Variants in CCNQ observed in about 807,000 individuals in gnomAD.
The protein encoded by CCNQ is cyclin Q.
In CCNQ, 3 loss-of-function variants were observed where a neutral mutation model predicts 17.7. That is an observed-to-expected ratio of 0.17 (90% CI 0.08 to 0.44). The LOEUF is 0.44. Ranked by LOEUF, CCNQ falls within the 20% of genes least tolerant of loss-of-function variation. CCNQ has a pLI of 0.99. For synonymous variants in CCNQ, 73 were observed against 96.0 expected (o/e 0.76, Z 1.40); for missense variants, 146 against 222.6 (o/e 0.66, Z 2.19).
At chrX:153,596,242 C>CCCCT in intron 1 of CCNQ, 55 bp from the exon 2 acceptor site, 1 of 1,142,954 alleles carries the variant, frequency 8.7e-7, no homozygotes, top group Non-Finnish European at 1.2e-6. Flanking sequence ...GCTCACTGCT[C>CCCCT]CAGTGAGGGG....
intron 2 of CCNQ, 78 bp downstream of exon 2, chrX:153,595,926 G>A (rs1557026896): frequency 1.2e-5 from 13 of 1,120,367 alleles, no homozygotes; most frequent in Non-Finnish European, 1.2e-5. Context: ...GGCACCTGGT[G>A]GGCAGGGCCC....
At chrX:153,592,460 C>T (rs2090998169) in intron 4 of CCNQ, 46 bp downstream of exon 4, 2 of 1,149,172 alleles carry the variant, frequency 1.7e-6, no homozygotes, top group African/African-American at 3.5e-5. Context: ...ACAGAGACTT[C>T]CAGAGGGAAA....
intron 2 of CCNQ, among the ~76,000 whole-genome samples, chrX:153,595,689 T>TGGTTC (rs1557026847): frequency 1.2e-4 from 13 of 112,301 alleles, no homozygotes; most frequent in African/African-American, 4.2e-4. Context: ...CATCCCTGTC[T>TGGTTC]AAGACTTCCA....
chrX:153,594,539 G>A lies in CCNQ; in HGVS notation c.429+8C>T, dbSNP rs143133700. ...TCTCCAAACAGGCACCAGTTCCCCA[G>A]TATGTACCTTGTGTGGATGCTGGAA... is the stretch of plus-strand genomic sequence containing the variant. On this transcript the variant is annotated splice_region_variant and intron_variant, in intron 3 of 4. Transcript: ENST00000576892. 1.2e-3 allele frequency: 1,436 copies of A among 1,208,983 alleles called. 16 individuals are homozygous for A. The African/African-American group carries it at 0.022, about 18-fold the overall frequency.
rs150833271 is a variant in CCNQ, at chrX:153,589,709, G to A, written c.658-1255C>T. ...AAGTCAAGGCAAGAACTGGACCTACGTCCACCCCTGCTGAATGCTCCCAAA... is the reference window on the plus strand; with the variant it reads ...AAGTCAAGGCAAGAACTGGACCTACATCCACCCCTGCTGAATGCTCCCAAA... On this transcript the variant is annotated intron_variant, in intron 4 of 4. Transcript: ENST00000576892. Among the ~76,000 whole-genome samples, 579 of 112,709 alleles carry A rather than the reference G, an allele frequency of 5.1e-3. 2 individuals are homozygous for A. Among genetic ancestry groups the A allele is most frequent in the African/African-American group, 0.017 (542 of 31,034 alleles).
At chrX:153,596,752 G>A (rs1347451370) in intron 1 of CCNQ, among the ~76,000 whole-genome samples, 2 of 112,533 alleles carry the variant, frequency 1.8e-5, no homozygotes, top group South Asian at 3.7e-4. Flanking sequence ...AGCAAGCAGC[G>A]TGACTGCCAA....
At chrX:153,594,277 C>T (rs1419811115) in intron 3 of CCNQ, among the ~76,000 whole-genome samples, 2 of 112,552 alleles carry the variant, frequency 1.8e-5, no homozygotes, top group Non-Finnish European at 3.8e-5. Context: ...ACAGCTTCAG[C>T]GGGCAGCACG....
At chrX:153,590,577 C>T (rs1056103516) in intron 4 of CCNQ, among the ~76,000 whole-genome samples, 28 of 111,875 alleles carry the variant, frequency 2.5e-4, no homozygotes, top group African/African-American at 7.5e-4. Context: ...ACAATTTCTG[C>T]GGCTGGATGG....
At position 153,599,050 on chromosome X, in the gene CCNQ, T is replaced by TCCG; in HGVS notation, c.21_23dup (p.Gly10dup). On this transcript the variant is annotated inframe_insertion, in exon 1 of 5. Transcript: ENST00000576892. ...CCGGGCCCCGCGCTGCAGGCCCCCC[T>TCCG]CCGCCGCCCTCCGGGGCTTCCATGA... 1 of 1,064,737 alleles carries TCCG rather than the reference T, an allele frequency of 9.4e-7. No homozygotes were observed. 87.7% of individuals were successfully genotyped at this position (1,064,737 alleles called of 1,213,427 possible). A position where few individuals can be genotyped will look rare whatever the true frequency, so the allele number is the denominator to read the frequency against.
At chrX:153,594,013 C>T (rs1367123064) in intron 3 of CCNQ, among the ~76,000 whole-genome samples, 1 of 113,238 alleles carries the variant, frequency 8.8e-6, no homozygotes, top group Non-Finnish European at 1.9e-5. Flanking sequence ...GTCGCCTAAG[C>T]GTTCCACTTT....
chrX:153,595,189 C>A, intron 2 of CCNQ, among the ~76,000 whole-genome samples: 1 of 113,586 alleles, frequency 8.8e-6, no homozygotes, highest in East Asian at 2.8e-4. Context: ...GCAGCCACAG[C>A]TCACTGCAGC....
At chrX:153,592,242 C>T (rs1019368083) in intron 4 of CCNQ, among the ~76,000 whole-genome samples, 72 of 112,806 alleles carry the variant, frequency 6.4e-4, no homozygotes, top group African/African-American at 2.2e-3. Context: ...AGCGGTTCTC[C>T]GCTGGGGCAA....
rs372939037 is a variant in CCNQ at position 153,592,673 on chromosome X, T to A, written c.490A>T (p.Thr164Ser). 8.3e-7 allele frequency: 1 copy of A among 1,209,975 alleles called. No individual in the cohort carries two copies. The highest frequency in any genetic ancestry group is 1.1e-6 in the Non-Finnish European group (1 of 894,931). ...NWLNRHSWQR[T>S]PVAVTAWALL... The stretch of plus-strand genomic sequence containing the variant: ...GCCCAGGCGGTGACGGCAACAGGGG[T>A]CCGCTGCCAGCTGTGGCGGTTCAGC... The change falls in exon 4 of 5, where the codon ACC becomes TCC. Residue 164 changes from threonine to serine, a missense_variant. Thr to Ser is a moderately conservative substitution (Grantham distance 58). Transcript: ENST00000576892.
chrX:153,596,297 G>T, intron 1 of CCNQ, 110 bp from the exon 2 acceptor site: 3 of 857,935 alleles, frequency 3.5e-6, no homozygotes, highest in Non-Finnish European at 5.1e-6. Context: ...ACTTGGACAA[G>T]GCTAAGAACT....
In CCNQ at chrX:153,592,721, A is replaced by G. The variant is rs2091000904; in HGVS notation, c.442T>C (p.Tyr148His). 1 of 1,208,714 alleles carries G rather than the reference A, an allele frequency of 8.3e-7. No homozygotes were observed. Among genetic ancestry groups the G allele is most frequent in the Non-Finnish European group, 1.1e-6 (1 of 894,064 alleles). ...FQHPHKYLLH[Y>H]LVSLQNWLNR... ...AGCCAGTTCTGGAGGGAAACCAGGT[A>G]GTGGAGCAGGTACTGCAAAGACACG... Residue 148 changes from tyrosine (Y) to histidine (H), a missense_variant, in exon 4 of 5, where the codon TAC (tyrosine) becomes CAC (histidine). Physicochemically the swap from Tyr to His is moderately conservative, Grantham distance 83. Transcript: ENST00000576892.
rs188537425 is a variant in CCNQ, at chrX:153,594,376, G to A, written c.429+171C>T. Among the ~76,000 whole-genome samples, 3,211 of 112,952 alleles carry A rather than the reference G, an allele frequency of 0.028. 36 individuals carry two copies. The highest frequency in any genetic ancestry group is 0.043 in the Non-Finnish European group (2,281 of 53,274). On this transcript the variant is annotated intron_variant, in intron 3 of 4. Transcript: ENST00000576892. ...CCACAGGGGTGGGACGGGAGAGGCC[G>A]GGCGGCCAACCCAGCCACAAACACA...
chrX:153,592,786 T>G, intron 3 of CCNQ, 53 bp from the exon 4 acceptor site: 3 of 1,072,404 alleles, frequency 2.8e-6, no homozygotes, highest in East Asian at 3.2e-5. Context: ...CTCCTCATGC[T>G]GACATAATCA....
Position 153,592,718 on chromosome X carries a change from G to A in CCNQ, c.445C>T (p.Leu149=), listed in dbSNP as rs782265242. 8.3e-7 allele frequency: 1 copy of A among 1,209,078 alleles called. No homozygotes were observed. The highest frequency in any genetic ancestry group is 1.8e-5 in the South Asian group (1 of 56,422). ...QHPHKYLLHY[L]VSLQNWLNRH... ...TTCAGCCAGTTCTGGAGGGAAACCAGGTAGTGGAGCAGGTACTGCAAAGAC... is the reference window on the plus strand; with the variant it reads ...TTCAGCCAGTTCTGGAGGGAAACCAAGTAGTGGAGCAGGTACTGCAAAGAC... Residue 149 remains leucine (L), a synonymous_variant, in exon 4 of 5, where the codon CTG becomes TTG. Transcript: ENST00000576892.
intron 3 of CCNQ, among the ~76,000 whole-genome samples, chrX:153,594,298 ACAGGTGAG>A (rs1488669088): frequency 2.7e-5 from 3 of 112,715 alleles, no homozygotes; most frequent in African/African-American, 9.7e-5. Context: ...GACCCCGCCC[ACAGGTGAG>A]CAGGCAGAAA....
Sources: allele counts gnomAD v4.1 joint callset (sites outside exome capture counted in the v4.1 genomes callset), GRCh38; gene constraint gnomAD v4.1.1; transcripts MANE v1.5; gene names NCBI Gene and HGNC (gene_info 2026-07-23, HGNC 2026-07-21).